The following CDK14 variants were observed in gnomAD, a reference collection of about 807,000 sequenced individuals.
CDK14 encodes the protein cyclin dependent kinase 14, also known as cyclin-dependent kinase 14.
CDK14 carries 34 observed loss-of-function variants against 60.7 expected under a neutral mutation model. The observed-to-expected ratio is 0.56, with a 90% confidence interval of 0.43 to 0.75. The LOEUF is 0.75. CDK14 is among the 30% of genes least tolerant of loss of function. The probability of loss-of-function intolerance (pLI) is 0.00; values close to 1 mark genes in which losing one functional copy is unlikely to be tolerated. For missense variants in CDK14, 482 were observed against 564.1 expected (o/e 0.85, Z 1.47); for synonymous variants, 197 against 203.7 (o/e 0.97, Z 0.28).
At chr7:91,197,911 G>A (rs758578635) in intron 14 of CDK14, among the ~76,000 whole-genome samples, 15 of 152,178 alleles carry the variant, frequency 9.9e-5, no homozygotes, top group Non-Finnish European at 1.6e-4. Flanking sequence ...ACAGAGCTTC[G>A]CTTCCACGGA....
chr7:90,682,586 C>T (rs1801339208), intron 2 of CDK14, among the ~76,000 whole-genome samples: 1 of 152,190 alleles, frequency 6.6e-6, no homozygotes, highest in Non-Finnish European at 1.5e-5. Context: ...TTCAGCATAT[C>T]TGAAGTTATC....
chr7:90,602,277 G>A lies in CDK14; in HGVS notation c.92-1941G>A, dbSNP rs147850730. Among the ~76,000 whole-genome samples, 624 of 152,284 alleles carry A rather than the reference G, an allele frequency of 4.1e-3. 2 individuals are homozygous for A. The highest frequency in any genetic ancestry group is 5.0e-3 in the Non-Finnish European group (340 of 68,020). ...ATCTTGCATGGCAGCCACATAGTGCGCGTGTTCCATTAATCTTTGTTAAAT... is the reference window on the plus strand; with the variant it reads ...ATCTTGCATGGCAGCCACATAGTGCACGTGTTCCATTAATCTTTGTTAAAT... On this transcript the variant is annotated intron_variant, in intron 1 of 14. Transcript: ENST00000380050.
intron 11 of CDK14, among the ~76,000 whole-genome samples, chr7:91,062,869 G>A (rs1481224570): frequency 6.6e-6 from 1 of 152,168 alleles, no homozygotes; most frequent in Non-Finnish European, 1.5e-5. Context: ...GCATTTCTGG[G>A]CTTCTAGCTG....
At chr7:91,199,939 A>G (rs1037522608) in intron 14 of CDK14, among the ~76,000 whole-genome samples, 26 of 152,342 alleles carry the variant, frequency 1.7e-4, no homozygotes, top group African/African-American at 6.0e-4. Context: ...AGGGGGAAGA[A>G]GCATGATTAT....
At chr7:90,810,655 A>T (rs973561870) in intron 5 of CDK14, among the ~76,000 whole-genome samples, 4 of 152,202 alleles carry the variant, frequency 2.6e-5, no homozygotes, top group Non-Finnish European at 4.4e-5. Flanking sequence ...GTATTCAATT[A>T]GGAAAAGAGG....
intron 14 of CDK14, among the ~76,000 whole-genome samples, chr7:91,206,186 A>G (rs373335235): frequency 6.6e-6 from 1 of 152,326 alleles, no homozygotes; most frequent in African/African-American, 2.4e-5. Flanking sequence ...GATGTCCTTG[A>G]TGCCACAGCC....
chr7:91,042,562 AAAG>A lies in CDK14; in HGVS notation c.1042-3332_1042-3330del, dbSNP rs544894514. On this transcript the variant is annotated intron_variant, in intron 10 of 14. Coordinates refer to ENST00000380050, the MANE Select transcript of CDK14 (RefSeq NM_001287135.2). ...AGCCAAATAAAGAGCTGAACCAATA[AAAG>A]AAACAGGAGATGGACAAGCCACAGA... Among the ~76,000 whole-genome samples the A allele has an allele frequency of 3.2e-3, 484 of 152,270 alleles. 6 individuals carry two copies. Among genetic ancestry groups the A allele is most frequent in the African/African-American group, 0.011 (463 of 41,548 alleles).
intron 14 of CDK14, among the ~76,000 whole-genome samples, chr7:91,178,983 T>C (rs555156498): frequency 6.6e-6 from 1 of 152,326 alleles, no homozygotes; most frequent in Non-Finnish European, 1.5e-5. Context: ...CTATAAATCA[T>C]GCTGCTATAA....
intron 6 of CDK14, among the ~76,000 whole-genome samples, chr7:90,866,824 A>G (rs1253152704): frequency 2.0e-5 from 3 of 152,176 alleles, no homozygotes. Context: ...ATGACTTTGA[A>G]GGTCATTATT....
At chr7:91,144,273 A>G (rs1031325202) in intron 14 of CDK14, among the ~76,000 whole-genome samples, 2 of 152,224 alleles carry the variant, frequency 1.3e-5, no homozygotes, top group Admixed American at 1.3e-4. Flanking sequence ...TGTCTTTAGA[A>G]TCATGTTGGT....
intron 6 of CDK14, among the ~76,000 whole-genome samples, chr7:90,874,503 C>CTTTTTTTTTTTTTTTT (rs747439482): frequency 4.2e-5 from 2 of 48,010 alleles, no homozygotes; most frequent in African/African-American, 1.4e-4. Flanking sequence ...TCCTTTCATC[C>CTTTTTTTTTTTTTTTT]TTTTTTTTTT....
At chr7:90,850,295 T>C (rs563962915) in intron 5 of CDK14, among the ~76,000 whole-genome samples, 9 of 152,320 alleles carry the variant, frequency 5.9e-5, no homozygotes, top group Non-Finnish European at 1.2e-4. Flanking sequence ...CTGTAATGAT[T>C]TTATTTTTCT....
rs75944156 is a variant in CDK14 at position 90,713,613 on chromosome 7, C to G, written c.124-12954C>G. Among the ~76,000 whole-genome samples, 534 of 147,226 alleles carry G rather than the reference C, an allele frequency of 3.6e-3. 9 individuals are homozygous for G. The highest frequency in any genetic ancestry group is 0.013 in the African/African-American group (514 of 39,688). On this transcript the variant is annotated intron_variant, in intron 2 of 14. Coordinates refer to ENST00000380050, the MANE Select transcript of CDK14 (RefSeq NM_001287135.2). ...TAAACCAGTGAGCAGTTATTTTGCA[C>G]AGCTTTGGAAGTACTTTTTTTTTTT...
At chr7:91,134,203 GGTTGA>G (rs1800200566) in intron 14 of CDK14, among the ~76,000 whole-genome samples, 1 of 152,094 alleles carries the variant, frequency 6.6e-6, no homozygotes, top group African/African-American at 2.4e-5. Flanking sequence ...TTGCTTTGTG[GGTTGA>G]GAGGATGGAG....
intron 5 of CDK14, among the ~76,000 whole-genome samples, chr7:90,837,171 G>A (rs183425976): frequency 6.6e-6 from 1 of 152,116 alleles, no homozygotes; most frequent in East Asian, 1.9e-4. Context: ...ATTATTCCTG[G>A]GCATTGTGAT....
chr7:90,662,044 C>T (rs564593254), intron 2 of CDK14, among the ~76,000 whole-genome samples: 1 of 152,284 alleles, frequency 6.6e-6, no homozygotes, highest in African/African-American at 2.4e-5. Flanking sequence ...GAAAAATTGG[C>T]ACGTCCCTCC....
chr7:91,106,651 C>T (rs1233684214), intron 12 of CDK14, among the ~76,000 whole-genome samples: 1 of 151,328 alleles, frequency 6.6e-6, no homozygotes, highest in Non-Finnish European at 1.5e-5. Flanking sequence ...TTTTTGTACA[C>T]GAGAGTAAAA....
chr7:90,920,929 G>A (rs1793230230), intron 8 of CDK14, among the ~76,000 whole-genome samples: 2 of 149,186 alleles, frequency 1.3e-5, no homozygotes, highest in African/African-American at 4.9e-5. Context: ...TAGTCAAAAT[G>A]CTGTAACTAT....
In CDK14 at chr7:91,112,592, G is replaced by A. The variant is rs1349713779; in HGVS notation, c.1205G>A (p.Cys402Tyr). The change falls in exon 13 of 15, where the codon TGT becomes TAT. Residue 402 changes from cysteine (C) to tyrosine (Y), a missense_variant. Cys to Tyr is a radical substitution (Grantham distance 194, BLOSUM62 -2). Transcript: ENST00000380050. Reference protein sequence around the residue: ...AEDLASKLLQCSPKNRLSAQA... With the variant: ...AEDLASKLLQYSPKNRLSAQA... ...GACCTGGCCTCCAAGCTCCTACAAT[G>A]TTCCCCAAAGAACAGACTGTCGGCA... The A allele has an allele frequency of 1.9e-6, 3 of 1,613,612 alleles. No homozygotes were observed. In the South Asian group the frequency reaches 3.3e-5, roughly 18 times the overall value.
Sources: allele counts gnomAD v4.1 joint callset (sites outside exome capture counted in the v4.1 genomes callset), GRCh38; gene constraint gnomAD v4.1.1; transcripts MANE v1.5; gene names NCBI Gene and HGNC (gene_info 2026-07-23, HGNC 2026-07-21).